Variants in MTA3 observed in about 807,000 individuals in gnomAD.
The protein encoded by MTA3 is metastasis associated 1 family member 3.
Under a neutral mutation model 83.5 loss-of-function variants are expected in MTA3, and 34 were observed. That is an observed-to-expected ratio of 0.41 (90% CI 0.31 to 0.54). The LOEUF (loss-of-function observed/expected upper bound fraction) is 0.54, where lower values mean the gene tolerates loss of function less well. Ranked by LOEUF, MTA3 falls within the 20% of genes least tolerant of loss-of-function variation. The pLI, the probability that MTA3 is intolerant of heterozygous loss-of-function variation, is 0.33. For missense variants in MTA3, 761 were observed against 726.4 expected (o/e 1.05, Z -0.55); for synonymous variants, 303 against 252.7 (o/e 1.20, Z -1.89).
chr2:42,558,710 G>A (rs1677518295), intron 2 of MTA3, among the ~76,000 whole-genome samples: 2 of 150,148 alleles, frequency 1.3e-5, no homozygotes, highest in Admixed American at 6.6e-5. Flanking sequence ...GCCACGCCCC[G>A]CTATTTTTTT....
chr2:42,697,710 A>T, intron 10 of MTA3, 66 bp from the exon 11 acceptor site: 1 of 1,104,402 alleles, frequency 9.1e-7, no homozygotes, highest in Non-Finnish European at 1.3e-6. Context: ...GTGAATTTTT[A>T]AGACAATGAA....
intron 8 of MTA3, among the ~76,000 whole-genome samples, chr2:42,661,177 G>A (rs1225215744): frequency 6.6e-6 from 1 of 152,120 alleles, no homozygotes; most frequent in Non-Finnish European, 1.5e-5. Context: ...GTTGTTTAGA[G>A]CTTCGAGAAT....
At chr2:42,508,150 C>T (rs1674723403) in intron 2 of MTA3, among the ~76,000 whole-genome samples, 1 of 152,030 alleles carries the variant, frequency 6.6e-6, no homozygotes, top group African/African-American at 2.4e-5. Context: ...TGGGTCATTC[C>T]TTCTTGTCAG....
chr2:42,557,590 G>C (rs1677458321), intron 2 of MTA3, among the ~76,000 whole-genome samples: 1 of 152,162 alleles, frequency 6.6e-6, no homozygotes, highest in African/African-American at 2.4e-5. Context: ...ACCTGGCTTT[G>C]TAAAAGCAGC....
chr2:42,555,605 A>AC (rs1313688552), intron 2 of MTA3, among the ~76,000 whole-genome samples: 4 of 124,750 alleles, frequency 3.2e-5, no homozygotes, highest in African/African-American at 1.1e-4. Flanking sequence ...CTAAAAATAC[A>AC]AAAAAAAAAA....
chr2:42,700,285 T>C (rs1693748281), intron 11 of MTA3, among the ~76,000 whole-genome samples: 1 of 152,190 alleles, frequency 6.6e-6, no homozygotes, highest in Admixed American at 6.5e-5. Flanking sequence ...TCATATAATG[T>C]GTCTTTTAAA....
At chr2:42,645,533 A>G (rs903255285) in intron 6 of MTA3, among the ~76,000 whole-genome samples, 12 of 149,544 alleles carry the variant, frequency 8.0e-5, no homozygotes, top group African/African-American at 2.8e-4. Context: ...TAAAAAACAA[A>G]CAAACAAACA....
chr2:42,590,006 C>T (rs183334025), intron 3 of MTA3, among the ~76,000 whole-genome samples: 1 of 152,166 alleles, frequency 6.6e-6, no homozygotes, highest in African/African-American at 2.4e-5. Flanking sequence ...AGAGATCAGT[C>T]TGATGCCTTG....
At chr2:42,573,152 G>A (rs1023231897) in intron 2 of MTA3, among the ~76,000 whole-genome samples, 1 of 152,210 alleles carries the variant, frequency 6.6e-6, no homozygotes, top group African/African-American at 2.4e-5. Flanking sequence ...TCTGAGGGTT[G>A]TGTGGTTTAT....
At chr2:42,636,838 G>A (rs1013926738) in intron 4 of MTA3, among the ~76,000 whole-genome samples, 1 of 151,882 alleles carries the variant, frequency 6.6e-6, no homozygotes, top group Non-Finnish European at 1.5e-5. Flanking sequence ...TATTGGCCAG[G>A]CTGGTCTCGA....
chr2:42,722,964 T>C lies in MTA3; in HGVS notation c.1688T>C (p.Leu563Pro). The C allele has an allele frequency of 6.4e-7, 1 of 1,551,202 alleles. No homozygotes were observed. Residue 563 changes from leucine (L) to proline (P), a missense_variant, in exon 16 of 17, where the codon CTA becomes CCA. Physicochemically the swap from Leu to Pro is moderately conservative, Grantham distance 98. Coordinates refer to ENST00000405094, the MANE Select transcript of MTA3 (RefSeq NM_001330442.2). Reference sequence around the variant, plus strand: ...CAAACCCCAACTACCAAGCGGATGCTAACAACTCCAAATCACACATCTCTG... The same window carrying C: ...CAAACCCCAACTACCAAGCGGATGCCAACAACTCCAAATCACACATCTCTG... ...SLQTPTTKRM[L>P]TTPNHTSLSI... is the part of the protein sequence containing the mutation.
At chr2:42,566,216 CT>C (rs1024790357), upstream of MTA3, among the ~76,000 whole-genome samples, 1 of 152,026 alleles carries the variant, frequency 6.6e-6, no homozygotes, top group African/African-American at 2.4e-5. Context: ...GGCGCCTTTG[CT>C]TTTTTAAAGG....
intron 4 of MTA3, among the ~76,000 whole-genome samples, chr2:42,632,759 G>A (rs546256225): frequency 3.9e-5 from 6 of 152,114 alleles, no homozygotes; most frequent in Non-Finnish European, 7.4e-5. Context: ...ATTTTATTAA[G>A]CCCAAACTTC....
At chr2:42,674,933 G>A (rs946217642) in intron 8 of MTA3, among the ~76,000 whole-genome samples, 20 of 150,216 alleles carry the variant, frequency 1.3e-4, no homozygotes, top group African/African-American at 4.4e-4. Flanking sequence ...TTTAATATAG[G>A]CACTCAACAC....
At chr2:42,618,907 G>GT (rs1685223994) in intron 4 of MTA3, among the ~76,000 whole-genome samples, 1 of 152,138 alleles carries the variant, frequency 6.6e-6, no homozygotes, top group Non-Finnish European at 1.5e-5. Flanking sequence ...CAGTGAGCCT[G>GT]GCCCATTTTT....
intron 2 of MTA3, among the ~76,000 whole-genome samples, chr2:42,571,670 G>A (rs1389565993): frequency 6.6e-6 from 1 of 152,026 alleles, no homozygotes; most frequent in South Asian, 2.1e-4. Flanking sequence ...TTGGCTGGGC[G>A]GGTGCGGTGG....
At chr2:42,677,920 T>A (rs1691531649) in intron 8 of MTA3, among the ~76,000 whole-genome samples, 1 of 152,224 alleles carries the variant, frequency 6.6e-6, no homozygotes, top group African/African-American at 2.4e-5. Context: ...TCATCTATTT[T>A]CAGACCACAG....
At chr2:42,566,478 T>C (rs1048613305), upstream of MTA3, among the ~76,000 whole-genome samples, 2 of 152,200 alleles carry the variant, frequency 1.3e-5, no homozygotes, top group African/African-American at 4.8e-5. Flanking sequence ...GAGACTAATA[T>C]ATAGAATCTA....
At chr2:42,581,360 CTTTTTTTTTTTTT>C (rs778419810) in intron 3 of MTA3, among the ~76,000 whole-genome samples, 1 of 88,266 alleles carries the variant, frequency 1.1e-5, no homozygotes, top group East Asian at 3.0e-4. Flanking sequence ...TCCCAAATTG[CTTTTTTTTTTTTT>C]TTTTTTTTTT....
Sources: gnomAD v4.1 joint callset for allele counts (sites outside exome capture counted in the v4.1 genomes callset) on GRCh38, gnomAD v4.1.1 for gene constraint, MANE v1.5 for transcripts, NCBI Gene and HGNC (gene_info 2026-07-23, HGNC 2026-07-21) for gene names.